SNX29: variants seen among roughly 807,000 people sequenced by gnomAD.
SNX29 encodes the protein sorting nexin-29.
Under a neutral mutation model 102.1 loss-of-function variants are expected in SNX29, and 78 were observed. The observed-to-expected ratio is 0.76, with a 90% CI of 0.64 to 0.92. The LOEUF is 0.92. Ranked by LOEUF, SNX29 falls within the 40% of genes least tolerant of loss-of-function variation. The pLI is 0.00. For synonymous variants in SNX29, 580 were observed against 414.5 expected (o/e 1.40, Z -4.85); for missense variants, 1,280 against 1,061.7 (o/e 1.21, Z -2.86).
chr16:12,570,785 G>GAA lies in SNX29; in HGVS notation c.*2156_*2157insAA. 1 of 232,140 alleles carries GAA rather than the reference G, an allele frequency of 4.3e-6. No homozygotes were observed. The highest frequency in any genetic ancestry group is 8.5e-6 in the Non-Finnish European group (1 of 117,518). The allele number at this position is 232,140 out of a possible 1,614,324, so 14.4% of individuals were successfully genotyped here. On this transcript the variant is annotated 3_prime_UTR_variant, in exon 21 of 21. Transcript: ENST00000566228. The stretch of plus-strand genomic sequence containing the variant: ...TTCTGCACATGATAATAATGCAACA[G>GAA]TCCCCCATTGCTGAGAGATACTAAC...
chr16:12,566,304 C>T (rs996325981), intron 20 of SNX29, among the ~76,000 whole-genome samples: 8 of 152,188 alleles, frequency 5.3e-5, no homozygotes, highest in African/African-American at 1.7e-4. Context: ...CACGTGCCTC[C>T]AAGCTATGTC....
chr16:12,553,472 C>T (rs1347612410), intron 20 of SNX29, among the ~76,000 whole-genome samples: 2 of 152,284 alleles, frequency 1.3e-5, no homozygotes, highest in East Asian at 1.9e-4. Flanking sequence ...AGACCAGCCC[C>T]AGCTGCTTAG....
At chr16:12,449,482 T>G (rs1379773657) in intron 18 of SNX29, among the ~76,000 whole-genome samples, 1 of 152,058 alleles carries the variant, frequency 6.6e-6, no homozygotes, top group Non-Finnish European at 1.5e-5. Flanking sequence ...AACTCACAAG[T>G]GACAGAAAAC....
At chr16:12,552,622 A>C (rs994698505) in intron 20 of SNX29, among the ~76,000 whole-genome samples, 1 of 151,622 alleles carries the variant, frequency 6.6e-6, no homozygotes, top group African/African-American at 2.4e-5. Flanking sequence ...AAAAGCAAAA[A>C]CCAAACACCA....
chr16:12,250,370 G>A (rs769207046), intron 14 of SNX29, among the ~76,000 whole-genome samples: 20 of 152,042 alleles, frequency 1.3e-4, no homozygotes, highest in Non-Finnish European at 2.8e-4. Flanking sequence ...AGCCCCAGGA[G>A]AGAAGCCACA....
intron 1 of SNX29, 47 bp downstream of exon 1, chr16:11,976,860 C>T: frequency 1.5e-6 from 2 of 1,329,626 alleles, no homozygotes; most frequent in Non-Finnish European, 1.9e-6. Flanking sequence ...CGCCCCGGCT[C>T]CCGCCGCTCC....
intron 13 of SNX29, among the ~76,000 whole-genome samples, chr16:12,196,899 G>A (rs1185849335): frequency 2.0e-5 from 3 of 152,146 alleles, no homozygotes; most frequent in Non-Finnish European, 4.4e-5. Flanking sequence ...GGGATTCCAG[G>A]TGTGAGCCAC....
chr16:12,135,923 A>T (rs2054641797), intron 13 of SNX29, among the ~76,000 whole-genome samples: 1 of 152,222 alleles, frequency 6.6e-6, no homozygotes, highest in Non-Finnish European at 1.5e-5. Flanking sequence ...AAGGTGGTGG[A>T]GAAAGTGTTC....
chr16:12,374,765 G>A lies in SNX29; in HGVS notation c.1899+18486G>A, dbSNP rs116494821. On this transcript the variant is annotated intron_variant, in intron 16 of 20. Transcript: ENST00000566228. The stretch of plus-strand genomic sequence containing the variant: ...GCCAAGGCTCACCCCCAGATCAGCT[G>A]CAGGAGAATCTCTTCAATGGGACCT... 7.5e-3 allele frequency: 1,141 copies of A among 152,250 alleles called. 18 individuals carry two copies. The highest frequency in any genetic ancestry group is 0.025 in the African/African-American group (1,040 of 41,524). 9.4% of individuals were successfully genotyped at this position (152,250 alleles called of 1,614,324 possible). A position where few individuals can be genotyped will look rare whatever the true frequency, so the allele number is the denominator to read the frequency against.
At chr16:12,380,101 A>G (rs2083017557) in intron 16 of SNX29, among the ~76,000 whole-genome samples, 1 of 152,046 alleles carries the variant, frequency 6.6e-6, no homozygotes, top group African/African-American at 2.4e-5. Context: ...ACCTTGCAGA[A>G]TGGAATTATC....
At chr16:12,359,909 C>T (rs762850631) in intron 16 of SNX29, among the ~76,000 whole-genome samples, 18 of 152,244 alleles carry the variant, frequency 1.2e-4, no homozygotes, top group East Asian at 5.8e-4. Flanking sequence ...ATGCAACCTC[C>T]GCCTCCTGGG....
chr16:12,547,644 T>TG (rs1407555650), intron 20 of SNX29, among the ~76,000 whole-genome samples: 1 of 152,036 alleles, frequency 6.6e-6, no homozygotes, highest in Non-Finnish European at 1.5e-5. Flanking sequence ...GATGGAGATA[T>TG]GATTCCCACC....
intron 18 of SNX29, among the ~76,000 whole-genome samples, chr16:12,425,316 C>G (rs1394805491): frequency 6.6e-6 from 1 of 151,690 alleles, no homozygotes; most frequent in Non-Finnish European, 1.5e-5. Flanking sequence ...GCGGGTTAAG[C>G]AAATTGAAAC....
chr16:12,021,047 A>G (rs528714278), intron 3 of SNX29, among the ~76,000 whole-genome samples: 19 of 152,208 alleles, frequency 1.2e-4, no homozygotes, highest in Non-Finnish European at 2.6e-4. Flanking sequence ...TCCAGCTAAC[A>G]TTGGAATTTT....
intron 9 of SNX29, among the ~76,000 whole-genome samples, chr16:12,068,731 G>T (rs1279545127): frequency 6.6e-6 from 1 of 152,104 alleles, no homozygotes; most frequent in South Asian, 2.1e-4. Context: ...TTTTAGTAGA[G>T]ATGGGGTTTC....
chr16:12,291,956 A>G (rs2079811124), intron 15 of SNX29, among the ~76,000 whole-genome samples: 1 of 152,224 alleles, frequency 6.6e-6, no homozygotes. Flanking sequence ...GGGTGCTCAC[A>G]GCCTACTAGT....
rs982006743 is a variant in SNX29, at chr16:12,109,151, A to G, written c.1403-17482A>G. Among the ~76,000 whole-genome samples the G allele has an allele frequency of 3.8e-4, 57 of 151,540 alleles. 1 individual carries two copies. Among genetic ancestry groups the G allele is most frequent in the African/African-American group, 1.3e-3 (53 of 41,374 alleles). On this transcript the variant is annotated intron_variant, in intron 11 of 20. Transcript: ENST00000566228. ...TCAAAAAAAAAAAAAAAAAAAAAAA[A>G]AAAAGAAAAGGAATTTATTTCTTAG...
intron 18 of SNX29, among the ~76,000 whole-genome samples, chr16:12,471,904 C>T (rs1288854882): frequency 6.6e-6 from 1 of 152,222 alleles, no homozygotes; most frequent in South Asian, 2.1e-4. Context: ...GACATTCTAC[C>T]ATGTTTTCTC....
intron 16 of SNX29, among the ~76,000 whole-genome samples, chr16:12,370,981 C>G (rs892536774): frequency 1.2e-4 from 19 of 152,218 alleles, no homozygotes; most frequent in African/African-American, 4.3e-4. Flanking sequence ...TTGGTATTAC[C>G]TACACCCCAG....
Sources: allele counts gnomAD v4.1 joint callset (sites outside exome capture counted in the v4.1 genomes callset), GRCh38; gene constraint gnomAD v4.1.1; transcripts MANE v1.5; gene names NCBI Gene and HGNC (gene_info 2026-07-23, HGNC 2026-07-21).